SMIM10L3: variants seen among roughly 807,000 people sequenced by gnomAD.
SMIM10L3 encodes the protein small integral membrane protein 10 like 3.
At chr7:6,340,964 C>G in the SMIM10L3 span, among the ~76,000 whole-genome samples, 4 of 38,844 alleles carry the variant, frequency 1.0e-4, no homozygotes, top group African/African-American at 7.4e-4. Flanking sequence ...CCTGTCTCTA[C>G]TAAAAAAAAA....
At chr7:6,332,265 C>A in the SMIM10L3 span, among the ~76,000 whole-genome samples, 2 of 152,006 alleles carry the variant, frequency 1.3e-5, no homozygotes, top group East Asian at 1.9e-4. Flanking sequence ...TGTCATTTGC[C>A]CAAAACCTTA....
At chr7:6,331,366 T>C in the SMIM10L3 span, 7 of 609,684 alleles carry the variant, frequency 1.1e-5, no homozygotes, top group African/African-American at 1.8e-5. Context: ...TTTCACCATA[T>C]TGGTAAGGCT....
chr7:6,332,392 G>A, the SMIM10L3 span, among the ~76,000 whole-genome samples: 2 of 152,132 alleles, frequency 1.3e-5, no homozygotes, highest in Admixed American at 6.6e-5. Flanking sequence ...GACCAGCTTT[G>A]CATCTATCTG....
At chr7:6,340,473 C>T in the SMIM10L3 span, among the ~76,000 whole-genome samples, 11 of 152,080 alleles carry the variant, frequency 7.2e-5, no homozygotes, top group East Asian at 1.9e-4. Flanking sequence ...TACCTGGAGT[C>T]GGCTGAAGCA....
the SMIM10L3 span, chr7:6,330,075 A>G: frequency 2.9e-6 from 1 of 348,484 alleles, no homozygotes; most frequent in South Asian, 3.8e-5. Flanking sequence ...GATGTTGAAG[A>G]CAGAACTTCA....
chr7:6,329,641 T>G, the SMIM10L3 span: 3 of 162,744 alleles, frequency 1.8e-5, no homozygotes, highest in East Asian at 3.9e-4. Flanking sequence ...TTGAAAAATT[T>G]TAGGGTACAG....
chr7:6,330,340 TAAA>T, the SMIM10L3 span: 1 of 1,562,022 alleles, frequency 6.4e-7, no homozygotes. Context: ...AGACAACTCT[TAAA>T]ATTAATCTAT....
chr7:6,348,950 A>C, the SMIM10L3 span: 2 of 379,442 alleles, frequency 5.3e-6, no homozygotes, highest in Non-Finnish European at 9.3e-6. Flanking sequence ...CGCCTGTACC[A>C]GCCTGGCCGC....
At chr7:6,334,488 G>C in the SMIM10L3 span, among the ~76,000 whole-genome samples, 1 of 152,048 alleles carries the variant, frequency 6.6e-6, no homozygotes, top group Admixed American at 6.6e-5. Flanking sequence ...AAAAAGAAAA[G>C]ATGGAGTCTC....
At chr7:6,342,455 C>T in the SMIM10L3 span, among the ~76,000 whole-genome samples, 3 of 152,108 alleles carry the variant, frequency 2.0e-5, no homozygotes, top group South Asian at 6.2e-4. Flanking sequence ...AGGAGAATCA[C>T]TTGAACCCAG....
At chr7:6,339,598 C>G in the SMIM10L3 span, among the ~76,000 whole-genome samples, 1 of 151,950 alleles carries the variant, frequency 6.6e-6, no homozygotes, top group South Asian at 2.1e-4. Flanking sequence ...ATTCCGCTGC[C>G]TCAGCCTCCG....
At chr7:6,330,833 G>C in the SMIM10L3 span, 10 of 1,614,064 alleles carry the variant, frequency 6.2e-6, no homozygotes, top group South Asian at 7.7e-5. Flanking sequence ...GTTGGAGCAG[G>C]GAACAAACCC....
chr7:6,331,647 T>C, the SMIM10L3 span, among the ~76,000 whole-genome samples: 1 of 151,850 alleles, frequency 6.6e-6, no homozygotes, highest in African/African-American at 2.4e-5. Flanking sequence ...CCCAAAGTAC[T>C]GGGATTACAG....
the SMIM10L3 span, among the ~76,000 whole-genome samples, chr7:6,335,828 G>T: frequency 6.6e-6 from 1 of 151,232 alleles, no homozygotes; most frequent in Non-Finnish European, 1.5e-5. Flanking sequence ...TGAGCCCAGG[G>T]GTGTGAGACC....
At chr7:6,331,242 A>C in the SMIM10L3 span, 1 of 1,324,286 alleles carries the variant, frequency 7.6e-7, no homozygotes, top group Admixed American at 2.6e-5. Flanking sequence ...GAACCTAGGA[A>C]AGGGAATCAA....
the SMIM10L3 span, among the ~76,000 whole-genome samples, chr7:6,331,738 C>CTT: frequency 3.0e-4 from 35 of 117,734 alleles, no homozygotes; most frequent in Admixed American, 4.4e-4. Context: ...ATAATAGAGG[C>CTT]TTTTTTTTTT....
At chr7:6,331,210 G>A in the SMIM10L3 span, 2 of 1,509,700 alleles carry the variant, frequency 1.3e-6, no homozygotes, top group Non-Finnish European at 8.9e-7. Context: ...AGTCTGGGAG[G>A]GCCTTCAATG....
At chr7:6,334,190 G>C in the SMIM10L3 span, among the ~76,000 whole-genome samples, 1 of 151,522 alleles carries the variant, frequency 6.6e-6, no homozygotes, top group Non-Finnish European at 1.5e-5. Flanking sequence ...AGCCTCCTGA[G>C]TAGCTGGGAT....
chr7:6,333,428 G>A, the SMIM10L3 span, among the ~76,000 whole-genome samples: 1 of 152,140 alleles, frequency 6.6e-6, no homozygotes, highest in Non-Finnish European at 1.5e-5. Flanking sequence ...TTAGGAGGCT[G>A]TTCCACAGAG....
Sources: allele counts gnomAD v4.1 joint callset (sites outside exome capture counted in the v4.1 genomes callset), GRCh38; gene constraint gnomAD v4.1.1; transcripts MANE v1.5; gene names NCBI Gene and HGNC (gene_info 2026-07-23, HGNC 2026-07-21).